STPG2: variants seen among roughly 807,000 people sequenced by gnomAD.
The protein encoded by STPG2 is sperm-tail PG-rich repeat-containing protein 2.
STPG2 carries 56 observed loss-of-function variants against 54.2 expected under a neutral mutation model. That is an observed-to-expected ratio of 1.03 (90% CI 0.83 to 1.29). The LOEUF (loss-of-function observed/expected upper bound fraction) is 1.29, where lower values mean the gene tolerates loss of function less well. STPG2 is among the 50% of genes most tolerant of loss of function. The pLI is 0.00. For synonymous variants in STPG2, 200 were observed against 181.8 expected, an observed-to-expected ratio of 1.10 and a Z score of -0.81; for missense variants, 596 against 544.9, an observed-to-expected ratio of 1.09 and a Z score of -0.93.
At position 98,134,388 on chromosome 4, in the gene STPG2, C is replaced by T; in HGVS notation, c.181G>A (p.Ala61Thr). 1 of 1,584,052 alleles carries T rather than the reference C, an allele frequency of 6.3e-7. No homozygotes were observed. Residue 61 changes from alanine to threonine, a missense_variant, in exon 2 of 11, where the codon GCT becomes ACT. Physicochemically the swap from Ala to Thr is moderately conservative, Grantham distance 58. Transcript: ENST00000295268. ...TFTIASSIEKAVPGPGHYNVS... is the reference protein window; with the variant it reads ...TFTIASSIEKTVPGPGHYNVS... ...TTATAGTGTCCTGGACCTGGAACAG[C>T]TTTCTCAATGCTAGAGGCAATGGTA...
chr4:97,566,615 A>G (rs1359680244), intron 10 of STPG2, among the ~76,000 whole-genome samples: 5 of 152,150 alleles, frequency 3.3e-5, no homozygotes, highest in African/African-American at 1.2e-4. Flanking sequence ...CACAACAGCA[A>G]AGACTTGGAA....
intron 4 of STPG2, among the ~76,000 whole-genome samples, chr4:97,518,945 T>C (rs887936376): frequency 1.3e-5 from 2 of 152,114 alleles, no homozygotes; most frequent in Admixed American, 6.6e-5. Flanking sequence ...AAACTATTCA[T>C]AGAAGTGCTT....
chr4:97,577,892 T>C (rs1398823104), intron 10 of STPG2, among the ~76,000 whole-genome samples: 1 of 152,132 alleles, frequency 6.6e-6, no homozygotes, highest in Non-Finnish European at 1.5e-5. Context: ...ATACAGTTAA[T>C]AATGATCATG....
At chr4:97,816,755 TCTTTTTC>T (rs1242971376) in intron 9 of STPG2, among the ~76,000 whole-genome samples, 2 of 151,606 alleles carry the variant, frequency 1.3e-5, no homozygotes, top group African/African-American at 4.8e-5. Context: ...TTTCTTTCTT[TCTTTTTC>T]TTTTCTTTTC....
chr4:97,529,507 A>C (rs897424307), intron 4 of STPG2, among the ~76,000 whole-genome samples: 2 of 152,124 alleles, frequency 1.3e-5, no homozygotes, highest in African/African-American at 4.8e-5. Flanking sequence ...AAAGTGAGTT[A>C]GGGAGGAGTC....
intron 4 of STPG2, among the ~76,000 whole-genome samples, chr4:97,545,828 T>C (rs983754547): frequency 6.6e-6 from 1 of 152,102 alleles, no homozygotes. Context: ...AAAATAAATT[T>C]AAATTACTCA....
chr4:97,929,138 T>C (rs1029224678), intron 8 of STPG2, among the ~76,000 whole-genome samples: 3 of 152,238 alleles, frequency 2.0e-5, no homozygotes, highest in Non-Finnish European at 4.4e-5. Flanking sequence ...TAGTTGGTTT[T>C]CTGTTCCTGC....
chr4:97,738,788 C>T, intron 9 of STPG2, among the ~76,000 whole-genome samples: 1 of 152,056 alleles, frequency 6.6e-6, no homozygotes, highest in East Asian at 1.9e-4. Flanking sequence ...CCACTGTCAA[C>T]ATTAGACAGA....
intron 9 of STPG2, among the ~76,000 whole-genome samples, chr4:97,790,413 G>A (rs1053147167): frequency 2.6e-5 from 4 of 152,162 alleles, no homozygotes; most frequent in Non-Finnish European, 5.9e-5. Context: ...ATCTCAGCTT[G>A]TTTCTCTGCC....
intron 8 of STPG2, among the ~76,000 whole-genome samples, chr4:97,926,114 A>T (rs1732323315): frequency 6.6e-6 from 1 of 152,108 alleles, no homozygotes. Context: ...ATGTATCTTT[A>T]TGCATTTTGA....
chr4:97,721,266 C>A (rs1006196948), intron 9 of STPG2, among the ~76,000 whole-genome samples: 1 of 152,064 alleles, frequency 6.6e-6, no homozygotes, highest in Non-Finnish European at 1.5e-5. Context: ...TCACTTTACA[C>A]GGAGTGACCT....
At chr4:97,636,726 A>G (rs1721549716) in intron 10 of STPG2, among the ~76,000 whole-genome samples, 2 of 152,362 alleles carry the variant, frequency 1.3e-5, no homozygotes, top group African/African-American at 2.4e-5. Flanking sequence ...CTACGAAAAT[A>G]AACTAGAAAA....
chr4:98,133,460 A>G (rs1345289519), intron 2 of STPG2, among the ~76,000 whole-genome samples: 2 of 152,016 alleles, frequency 1.3e-5, no homozygotes, highest in East Asian at 3.8e-4. Context: ...AAATATACCA[A>G]GGAGGCCTTC....
At chr4:98,068,693 A>C (rs1313661755) in intron 5 of STPG2, among the ~76,000 whole-genome samples, 2 of 151,760 alleles carry the variant, frequency 1.3e-5, no homozygotes, top group Non-Finnish European at 2.9e-5. Flanking sequence ...TAACGATGGG[A>C]ATACTTACTG....
chr4:97,888,182 C>T (rs1382060302), intron 8 of STPG2, among the ~76,000 whole-genome samples: 3 of 152,150 alleles, frequency 2.0e-5, no homozygotes, highest in Non-Finnish European at 2.9e-5. Flanking sequence ...GGGTTGGAGA[C>T]CCCAAACACA....
chr4:97,907,816 T>C (rs1389855217), intron 8 of STPG2, among the ~76,000 whole-genome samples: 2 of 152,180 alleles, frequency 1.3e-5, no homozygotes, highest in Non-Finnish European at 2.9e-5. Flanking sequence ...GCTAGCCATA[T>C]GTAGAAAGCT....
At chr4:97,801,928 C>T (rs1371738051) in intron 9 of STPG2, among the ~76,000 whole-genome samples, 1 of 152,138 alleles carries the variant, frequency 6.6e-6, no homozygotes, top group African/African-American at 2.4e-5. Flanking sequence ...AACTTTACAT[C>T]AAATAAGACT....
At chr4:97,828,385 G>A (rs973976426) in intron 9 of STPG2, among the ~76,000 whole-genome samples, 6 of 152,230 alleles carry the variant, frequency 3.9e-5, no homozygotes, top group African/African-American at 4.8e-5. Context: ...TAAGACCTTC[G>A]CAACCCGCAG....
chr4:97,824,801 A>G (rs2149107486), intron 9 of STPG2, among the ~76,000 whole-genome samples: 1 of 152,274 alleles, frequency 6.6e-6, no homozygotes, highest in South Asian at 2.1e-4. Flanking sequence ...CAGCAGCTAA[A>G]GTTTTGCCAT....
Sources: gnomAD v4.1 joint callset for allele counts (sites outside exome capture counted in the v4.1 genomes callset) on GRCh38, gnomAD v4.1.1 for gene constraint, MANE v1.5 for transcripts, NCBI Gene and HGNC (gene_info 2026-07-23, HGNC 2026-07-21) for gene names.